The following CLTC variants were observed in gnomAD, a reference collection of about 807,000 sequenced individuals.
CLTC encodes the protein clathrin heavy chain 1.
In CLTC, 16 loss-of-function variants were observed where a neutral mutation model predicts 195.8. The ratio of observed to expected loss-of-function variants is 0.08; its 90% CI spans 0.06 to 0.12. The LOEUF is 0.12. CLTC is among the 10% of genes least tolerant of loss of function. The probability of loss-of-function intolerance (pLI) is 1.00; values close to 1 mark genes in which losing one functional copy is unlikely to be tolerated. For missense variants in CLTC, 796 were observed against 2,027.0 expected, an observed-to-expected ratio of 0.39 and a Z score of 11.66; for synonymous variants, 667 against 689.4, an observed-to-expected ratio of 0.97 and a Z score of 0.51.
At position 59,682,528 on chromosome 17, in the gene CLTC, T is replaced by G; in HGVS notation, c.3600+100T>G. The G allele has an allele frequency of 6.3e-7, 1 of 1,578,672 alleles. No individual in the cohort carries two copies. On this transcript the variant is annotated intron_variant, in intron 22 of 31. Transcript: ENST00000269122. This position sits in a 1 kb window ranked among gnomAD's most constrained non-coding sequence, Gnocchi z 6.8. Reference sequence around the variant, plus strand: ...CTGAAGAATTCCAAGGAAAAATCTATAGGAAAACAAATTCTTTCTCATTGT... The same window carrying G: ...CTGAAGAATTCCAAGGAAAAATCTAGAGGAAAACAAATTCTTTCTCATTGT...
In CLTC at chr17:59,656,015, C is replaced by T. The variant is rs535637632; in HGVS notation, c.957C>T (p.Asn319=). The T allele has an allele frequency of 6.2e-7, 1 of 1,609,500 alleles. No individual in the cohort carries two copies. The highest frequency in any genetic ancestry group is 2.2e-5 in the East Asian group (1 of 44,584). ...HEATAGIIGV[N]RKGQVLSVCV... is the part of the protein sequence containing the mutation. ...CCACAGCTGGAATAATTGGAGTAAA[C>T]AGAAAGGGACAAGTAAGGAAACCTT... Residue 319 remains asparagine (N), a synonymous_variant, in exon 6 of 32, where the codon AAC becomes AAT. Transcript: ENST00000269122.
At chr17:59,630,155 C>T (rs2031668742) in intron 1 of CLTC, among the ~76,000 whole-genome samples, 2 of 152,130 alleles carry the variant, frequency 1.3e-5, no homozygotes, top group African/African-American at 4.8e-5. Context: ...CGTGTGCCAC[C>T]ACACCCAGCC....
intron 18 of CLTC, among the ~76,000 whole-genome samples, chr17:59,680,601 G>A (rs1432708958): frequency 1.3e-5 from 2 of 152,104 alleles, no homozygotes; most frequent in Non-Finnish European, 2.9e-5. Flanking sequence ...ACGAATTACC[G>A]ATATTTTAAT....
intron 28 of CLTC, 87 bp downstream of exon 28, chr17:59,684,072 T>C: frequency 1.2e-6 from 1 of 804,616 alleles, no homozygotes; most frequent in Non-Finnish European, 2.0e-6. Flanking sequence ...TCCTTTAGGA[T>C]TGTAAACAGT....
chr17:59,637,791 T>C (rs778774042), intron 1 of CLTC, among the ~76,000 whole-genome samples: 20 of 151,344 alleles, frequency 1.3e-4, no homozygotes, highest in Non-Finnish European at 2.7e-4. Flanking sequence ...TTAAAAGAAA[T>C]TCACACCCAG....
chr17:59,693,785 C>T lies in CLTC; in HGVS notation c.4961C>T (p.Pro1654Leu). The T allele has an allele frequency of 6.2e-7, 1 of 1,613,892 alleles. No homozygotes were observed. The highest frequency in any genetic ancestry group is 8.5e-7 in the Non-Finnish European group (1 of 1,179,912). ...GPSVAVPPQAPFGYGYTAPPY... is the reference protein window; with the variant it reads ...GPSVAVPPQALFGYGYTAPPY... ...AGTGTTGCCGTCCCTCCCCAGGCAC[C>T]TTTTGGTTATGGTTATACCGCACCA... Residue 1654 changes from proline (P) to leucine (L), a missense_variant, in exon 32 of 32, where the codon CCT becomes CTT. Physicochemically the swap from Pro to Leu is moderately conservative, Grantham distance 98. Coordinates refer to ENST00000269122, the MANE Select transcript of CLTC (RefSeq NM_004859.4).
chr17:59,692,950 A>G (rs1357799472), intron 31 of CLTC, among the ~76,000 whole-genome samples: 2 of 152,044 alleles, frequency 1.3e-5, no homozygotes, highest in Non-Finnish European at 1.5e-5. Flanking sequence ...AATGTGTCTT[A>G]TTTTTAATTT....
In CLTC at chr17:59,651,106, A is replaced by G. The variant is rs149596911; in HGVS notation, c.682-97A>G. On this transcript the variant is annotated intron_variant, in intron 4 of 31. Coordinates refer to ENST00000269122, the MANE Select transcript of CLTC (RefSeq NM_004859.4). ...CCATTTAACATTGATCTTCTGTAGAACATGTTGGTTGTTTCCATTTGGGGG... is the reference window on the plus strand; with the variant it reads ...CCATTTAACATTGATCTTCTGTAGAGCATGTTGGTTGTTTCCATTTGGGGG... 1,124 of 732,998 alleles carry G rather than the reference A, an allele frequency of 1.5e-3. 11 individuals are homozygous for G. Among genetic ancestry groups the G allele is most frequent in the African/African-American group, 8.3e-3 (474 of 56,926 alleles). 45.4% of individuals were successfully genotyped at this position (732,998 alleles called of 1,614,324 possible).
At chr17:59,628,915 G>C (rs1414378944) in intron 1 of CLTC, among the ~76,000 whole-genome samples, 1 of 152,060 alleles carries the variant, frequency 6.6e-6, no homozygotes, top group Non-Finnish European at 1.5e-5. Flanking sequence ...ACCCTCCTCA[G>C]CTTCCCAAAG....
At chr17:59,688,381 T>C (rs1458902429) in intron 30 of CLTC, among the ~76,000 whole-genome samples, 1 of 152,250 alleles carries the variant, frequency 6.6e-6, no homozygotes, top group Non-Finnish European at 1.5e-5. Context: ...TTTTACATTT[T>C]AGTGAATTTT....
intron 31 of CLTC, among the ~76,000 whole-genome samples, chr17:59,691,480 C>T (rs891469820): frequency 1.3e-4 from 20 of 151,782 alleles, no homozygotes; most frequent in East Asian, 3.9e-4. Context: ...AAAGATTAGC[C>T]GGGCGTGGTG....
At chr17:59,650,477 A>C (rs981559999) in intron 4 of CLTC, among the ~76,000 whole-genome samples, 9 of 149,828 alleles carry the variant, frequency 6.0e-5, no homozygotes, top group Non-Finnish European at 1.2e-4. Context: ...TCAGATATTC[A>C]GATGACTTTT....
chr17:59,626,214 C>T (rs1292452208), intron 1 of CLTC, among the ~76,000 whole-genome samples: 1 of 152,140 alleles, frequency 6.6e-6, no homozygotes, highest in Non-Finnish European at 1.5e-5. Context: ...AAAGGCTGTA[C>T]ACTTGTTATT....
chr17:59,665,038 A>C, intron 10 of CLTC, 129 bp downstream of exon 10: 2 of 1,215,732 alleles, frequency 1.6e-6, no homozygotes, highest in Non-Finnish European at 2.3e-6. Flanking sequence ...CAGTCTGGGC[A>C]ACATTGTGAG....
rs753214660 is a variant in CLTC, at chr17:59,682,760, T to C, written c.3732T>C (p.Ala1244=). Residue 1244 remains alanine, a synonymous_variant, in exon 23 of 32, where the codon GCT becomes GCC. Coordinates refer to ENST00000269122, the MANE Select transcript of CLTC (RefSeq NM_004859.4). The surrounding 1 kb of genome is among the most constrained non-coding windows in gnomAD (Gnocchi z 6.8). ...LGEYQAAVDG[A]RKANSTRTWK... is the part of the protein sequence containing the mutation. ...AATATCAGGCAGCTGTTGATGGGGC[T>C]AGGAAAGCTAACAGTACTCGAACAT... 18 of 1,614,006 alleles carry C rather than the reference T, an allele frequency of 1.1e-5. No homozygotes were observed. The African/African-American group carries it at 1.7e-4, about 16-fold the overall frequency.
At chr17:59,640,135 A>G (rs78463312) in intron 1 of CLTC, among the ~76,000 whole-genome samples, 1,912 of 152,348 alleles carry the variant, frequency 0.013, 38 homozygotes, top group African/African-American at 0.043. Context: ...ACATAGTTAT[A>G]TAGTTTGGCC....
intron 1 of CLTC, among the ~76,000 whole-genome samples, chr17:59,635,999 G>A (rs906186923): frequency 2.3e-4 from 35 of 152,086 alleles, no homozygotes; most frequent in African/African-American, 8.0e-4. Context: ...ACCTGAGGTC[G>A]GGAGTTCGAG....
intron 2 of CLTC, among the ~76,000 whole-genome samples, chr17:59,645,220 T>TA (rs548186284): frequency 1.6e-4 from 24 of 152,314 alleles, no homozygotes; most frequent in Admixed American, 1.4e-3. Context: ...CTTTTTTTTT[T>TA]ATACTTCGGG....
At chr17:59,671,456 C>G (rs2032845783) in intron 14 of CLTC, among the ~76,000 whole-genome samples, 2 of 152,094 alleles carry the variant, frequency 1.3e-5, no homozygotes, top group South Asian at 4.1e-4. Flanking sequence ...TGACTCTGAT[C>G]TTGAATATTC....
Sources: gnomAD v4.1 joint callset for allele counts (sites outside exome capture counted in the v4.1 genomes callset) on GRCh38, gnomAD v4.1.1 for gene constraint, Gnocchi (gnomAD v3.1) non-coding constraint, MANE v1.5 for transcripts, NCBI Gene and HGNC (gene_info 2026-07-23, HGNC 2026-07-21) for gene names.